PCDH15: variants seen among roughly 807,000 people sequenced by gnomAD.
PCDH15 encodes protocadherin-15.
In PCDH15, 129 loss-of-function variants were observed where a neutral mutation model predicts 178.5. The ratio of observed to expected loss-of-function variants is 0.72; its 90% CI spans 0.63 to 0.84. The LOEUF (loss-of-function observed/expected upper bound fraction) is 0.84, where lower values mean the gene tolerates loss of function less well. PCDH15 is among the 40% of genes least tolerant of loss of function. The pLI is 0.00. For synonymous variants in PCDH15, 800 were observed against 732.0 expected, an observed-to-expected ratio of 1.09 and a Z score of -1.50; for missense variants, 2,230 against 2,099.9, an observed-to-expected ratio of 1.06 and a Z score of -1.21.
chr10:54,841,939 A>G (rs1005086142), intron 3 of PCDH15, among the ~76,000 whole-genome samples: 10 of 151,848 alleles, frequency 6.6e-5, no homozygotes, highest in Non-Finnish European at 1.3e-4. Context: ...TTATTTTTAT[A>G]TGATGCCATA....
intron 2 of PCDH15, among the ~76,000 whole-genome samples, chr10:55,154,313 T>G (rs1386944105): frequency 6.6e-6 from 1 of 152,114 alleles, no homozygotes; most frequent in Non-Finnish European, 1.5e-5. Flanking sequence ...AAAAATGAAT[T>G]TGTAAAAGTC....
chr10:53,862,223 G>A (rs1485586122), intron 27 of PCDH15, among the ~76,000 whole-genome samples: 1 of 151,844 alleles, frequency 6.6e-6, no homozygotes, highest in East Asian at 1.9e-4. Flanking sequence ...GGCTAATTTT[G>A]AATTTTTAAT....
chr10:55,055,030 T>C (rs1043535074), intron 2 of PCDH15, among the ~76,000 whole-genome samples: 1 of 152,204 alleles, frequency 6.6e-6, no homozygotes, highest in African/African-American at 2.4e-5. Context: ...TTACATCCCA[T>C]TTGTCAATTT....
chr10:55,403,620 G>C (rs1181614415), intron 2 of PCDH15, among the ~76,000 whole-genome samples: 1 of 151,888 alleles, frequency 6.6e-6, no homozygotes, highest in Non-Finnish European at 1.5e-5. Flanking sequence ...TTATTAAAGA[G>C]GGTGTTCTTT....
chr10:55,177,991 C>T (rs1333939359), intron 1 of PCDH15, among the ~76,000 whole-genome samples: 1 of 152,134 alleles, frequency 6.6e-6, no homozygotes, highest in African/African-American at 2.4e-5. Context: ...TAATTGTCCT[C>T]ATAAAAATGT....
chr10:55,470,854 T>C (rs941374414), intron 2 of PCDH15, among the ~76,000 whole-genome samples: 1 of 152,154 alleles, frequency 6.6e-6, no homozygotes, highest in Non-Finnish European at 1.5e-5. Context: ...TTTTTTTTTT[T>C]TACTATTTCC....
At chr10:54,294,628 C>T (rs944145090) in intron 8 of PCDH15, among the ~76,000 whole-genome samples, 12 of 152,088 alleles carry the variant, frequency 7.9e-5, no homozygotes, top group African/African-American at 2.9e-4. Flanking sequence ...TGATTAAGTA[C>T]ATACTTAGCA....
At chr10:55,344,368 T>C (rs1367728721) in intron 2 of PCDH15, among the ~76,000 whole-genome samples, 1 of 152,062 alleles carries the variant, frequency 6.6e-6, no homozygotes, top group Non-Finnish European at 1.5e-5. Context: ...ATTTTATGAA[T>C]AAAATTCATG....
At chr10:54,038,331 T>A (rs1179911906) in intron 18 of PCDH15, among the ~76,000 whole-genome samples, 2 of 151,858 alleles carry the variant, frequency 1.3e-5, no homozygotes, top group Non-Finnish European at 2.9e-5. Context: ...GCAGGTGGGT[T>A]CTCTGGCAAG....
intron 3 of PCDH15, among the ~76,000 whole-genome samples, chr10:54,421,820 A>G (rs867751908): frequency 0.44 from 46,460 of 105,774 alleles, 10,567 homozygotes; most frequent in Middle Eastern, 0.53. Context: ...GTGTGTGTAT[A>G]TATATATATA....
chr10:55,203,876 G>A (rs1840320740), intron 1 of PCDH15, among the ~76,000 whole-genome samples: 1 of 151,852 alleles, frequency 6.6e-6, no homozygotes, highest in Non-Finnish European at 1.5e-5. Context: ...CTAAAGTGCT[G>A]TGTTATTTAC....
intron 2 of PCDH15, among the ~76,000 whole-genome samples, chr10:55,047,923 T>C (rs1440148431): frequency 4.6e-5 from 7 of 151,814 alleles, no homozygotes; most frequent in Non-Finnish European, 3.0e-5. Flanking sequence ...AGTAAGTGTG[T>C]TGATTGTGTT....
At chr10:55,455,455 A>C (rs1281965905) in intron 2 of PCDH15, among the ~76,000 whole-genome samples, 1 of 152,160 alleles carries the variant, frequency 6.6e-6, no homozygotes, top group East Asian at 1.9e-4. Context: ...GACACTAAAA[A>C]ACAGCTGGAA....
At chr10:54,655,239 A>AGGAAGGG (rs199766366) in intron 2 of PCDH15, among the ~76,000 whole-genome samples, 1 of 105,622 alleles carries the variant, frequency 9.5e-6, no homozygotes, top group African/African-American at 4.1e-5. Context: ...GGAGGAAGGG[A>AGGAAGGG]AAGAAAGAAA....
intron 3 of PCDH15, among the ~76,000 whole-genome samples, chr10:54,856,325 T>C (rs988953074): frequency 6.6e-6 from 1 of 152,050 alleles, no homozygotes; most frequent in Admixed American, 6.6e-5. Context: ...ACATCAACAT[T>C]TTTATTGTAA....
At chr10:54,720,479 C>A (rs1941401219) in intron 1 of PCDH15, among the ~76,000 whole-genome samples, 1 of 149,018 alleles carries the variant, frequency 6.7e-6, no homozygotes. Context: ...AGAAAATCTA[C>A]AAGCCAAAAG....
At chr10:54,690,076 A>G (rs978498131) in intron 1 of PCDH15, among the ~76,000 whole-genome samples, 2 of 152,146 alleles carry the variant, frequency 1.3e-5, no homozygotes, top group Non-Finnish European at 2.9e-5. Flanking sequence ...GACCACATAT[A>G]TGAGGTGATC....
At chr10:53,830,359 T>C (rs939224105) in intron 30 of PCDH15, among the ~76,000 whole-genome samples, 3 of 151,998 alleles carry the variant, frequency 2.0e-5, no homozygotes, top group Admixed American at 1.3e-4. Flanking sequence ...ATTTCCTCTG[T>C]AGGTAGTTTA....
chr10:55,249,548 A>G (rs903240802), intron 1 of PCDH15, among the ~76,000 whole-genome samples: 7 of 152,202 alleles, frequency 4.6e-5, no homozygotes, highest in African/African-American at 1.7e-4. Flanking sequence ...AGACCCAGTA[A>G]AAAAGGGAAA....
Sources: allele counts gnomAD v4.1 joint callset (sites outside exome capture counted in the v4.1 genomes callset), GRCh38; gene constraint gnomAD v4.1.1; transcripts MANE v1.5; gene names NCBI Gene and HGNC (gene_info 2026-07-23, HGNC 2026-07-21).